Variants in UNC93A observed in about 807,000 individuals in gnomAD.
UNC93A encodes unc-93 homolog A.
Under a neutral mutation model 47.5 loss-of-function variants are expected in UNC93A, and 43 were observed. That is an observed-to-expected ratio of 0.91 (90% CI 0.71 to 1.17). The LOEUF (loss-of-function observed/expected upper bound fraction) is 1.17. Ranked by LOEUF, UNC93A falls within the 50% of genes most tolerant of loss-of-function variation. The probability of loss-of-function intolerance (pLI) is 0.00; values close to 1 mark genes in which losing one functional copy is unlikely to be tolerated. For synonymous variants in UNC93A, 280 were observed against 258.0 expected (o/e 1.09, Z -0.82); for missense variants, 605 against 577.6 (o/e 1.05, Z -0.49).
intron 4 of UNC93A, among the ~76,000 whole-genome samples, chr6:167,298,942 C>T (rs895190645): frequency 6.6e-6 from 1 of 151,636 alleles, no homozygotes; most frequent in African/African-American, 2.4e-5. Context: ...GGTGAAACCC[C>T]ATTTGCACTA....
At chr6:167,299,357 G>A (rs141069103) in intron 4 of UNC93A, among the ~76,000 whole-genome samples, 11 of 152,042 alleles carry the variant, frequency 7.2e-5, no homozygotes, top group African/African-American at 2.2e-4. Context: ...AGGAGGGTTC[G>A]TGGGCACTGC....
At chr6:167,277,892 G>A (rs954644475) in intron 1 of UNC93A, among the ~76,000 whole-genome samples, 1 of 151,894 alleles carries the variant, frequency 6.6e-6, no homozygotes, top group Non-Finnish European at 1.5e-5. Context: ...GGTCCCAGCT[G>A]GCAGCTGACT....
At position 167,315,697 on chromosome 6, in the gene UNC93A, GA is replaced by G; in HGVS notation, c.*250del. 1 of 442,522 alleles carries G rather than the reference GA, an allele frequency of 2.3e-6. No individual in the cohort carries two copies. Among genetic ancestry groups the G allele is most frequent in the South Asian group, 3.1e-5 (1 of 32,398 alleles). The allele number at this position is 442,522 out of a possible 1,614,324, so 27.4% of individuals were successfully genotyped here. ...AGTTCATTTAATTTTAGATGCAAAA[GA>G]AAAAGGTCTAACGTACAATCAGCCA... On this transcript the variant is annotated 3_prime_UTR_variant, in exon 8 of 8. Transcript: ENST00000230256.
intron 1 of UNC93A, among the ~76,000 whole-genome samples, chr6:167,276,498 A>C (rs1783545394): frequency 1.3e-5 from 2 of 152,110 alleles, no homozygotes; most frequent in South Asian, 4.1e-4. Context: ...ACCTTGTACA[A>C]TAGTATTATT....
intron 2 of UNC93A, among the ~76,000 whole-genome samples, chr6:167,295,493 CCCTCGTGATCCTCGCCTG>C (rs1778044645): frequency 4.4e-5 from 4 of 91,356 alleles, no homozygotes; most frequent in East Asian, 8.3e-4. Context: ...AACCTCGCCT[CCCTCGTGATCCTCGCCTG>C]CCTCGTGCTC....
chr6:167,296,743 G>A (rs886922646), intron 3 of UNC93A, among the ~76,000 whole-genome samples: 4 of 152,160 alleles, frequency 2.6e-5, no homozygotes, highest in Admixed American at 6.5e-5. Context: ...GTCTCTACCC[G>A]ACCTTGCCCT....
chr6:167,295,714 G>A (rs900103645), intron 2 of UNC93A, among the ~76,000 whole-genome samples: 2 of 133,898 alleles, frequency 1.5e-5, no homozygotes, highest in Non-Finnish European at 3.1e-5. Context: ...CGCCTCCCTC[G>A]TGCTCCTCGC....
intron 6 of UNC93A, among the ~76,000 whole-genome samples, chr6:167,307,472 T>C (rs564402718): frequency 1.3e-4 from 20 of 151,736 alleles, no homozygotes; most frequent in Admixed American, 3.9e-4. Flanking sequence ...CAGAGGACGG[T>C]TGAGATGGTT....
At chr6:167,282,540 T>C (rs1473220967) in intron 1 of UNC93A, among the ~76,000 whole-genome samples, 6 of 152,192 alleles carry the variant, frequency 3.9e-5, no homozygotes, top group African/African-American at 1.4e-4. Context: ...GTTGACAAGT[T>C]CATTGTCAGT....
chr6:167,290,362 GC>G (rs1783819350), upstream of UNC93A, among the ~76,000 whole-genome samples: 1 of 152,096 alleles, frequency 6.6e-6, no homozygotes, highest in Non-Finnish European at 1.5e-5. Context: ...TGATGGTCTG[GC>G]AAGCTTCCCT....
At chr6:167,289,800 TAA>T (rs904733665), upstream of UNC93A, among the ~76,000 whole-genome samples, 1 of 151,780 alleles carries the variant, frequency 6.6e-6, no homozygotes, top group Admixed American at 6.6e-5. Context: ...TGAAGTAAAC[TAA>T]AGTGTTGCCA....
chr6:167,283,146 T>C (rs1562342636), intron 1 of UNC93A, among the ~76,000 whole-genome samples: 1 of 152,158 alleles, frequency 6.6e-6, no homozygotes, highest in South Asian at 2.1e-4. Context: ...CTTTAGAAAA[T>C]GTAAATTTTC....
At chr6:167,309,821 C>G (rs899576334) in intron 7 of UNC93A, among the ~76,000 whole-genome samples, 8 of 152,166 alleles carry the variant, frequency 5.3e-5, no homozygotes, top group African/African-American at 1.9e-4. Flanking sequence ...GTTTCACAGT[C>G]CTTTCTGCTG....
chr6:167,304,488 T>TA (rs1778327095), intron 5 of UNC93A, among the ~76,000 whole-genome samples: 1 of 152,190 alleles, frequency 6.6e-6, no homozygotes, highest in Admixed American at 6.5e-5. Context: ...CCTGCACTCT[T>TA]ACTTTAGAGT....
upstream of UNC93A, among the ~76,000 whole-genome samples, chr6:167,290,406 C>T (rs896353458): frequency 6.6e-6 from 1 of 152,122 alleles, no homozygotes; most frequent in Admixed American, 6.5e-5. Flanking sequence ...GACTTACCTG[C>T]GAGATTTGCC....
chr6:167,292,709 A>T (rs1562347819), intron 1 of UNC93A, among the ~76,000 whole-genome samples: 1 of 152,200 alleles, frequency 6.6e-6, no homozygotes, highest in Non-Finnish European at 1.5e-5. Context: ...TTGTTGTCAC[A>T]GAATGCTGGT....
At position 167,307,889 on chromosome 6, in the gene UNC93A, G is replaced by T. The variant is rs1245525510; in HGVS notation, c.1087G>T (p.Val363Phe). 5 of 1,613,734 alleles carry T rather than the reference G, an allele frequency of 3.1e-6. No individual in the cohort carries two copies. Among genetic ancestry groups the T allele is most frequent in the African/African-American group, 1.3e-5 (1 of 74,910 alleles). The change falls in exon 7 of 8, where the codon GTC becomes TTC. Residue 363 changes from valine to phenylalanine, a missense_variant. By Grantham distance (50) the Val-to-Phe change is conservative. Transcript: ENST00000230256. ...TGGCCTGTGGGGCGTGGCAGATGCC[G>T]TCTGGCAGACACAAAACAATGGTGA... The part of the protein sequence containing the change: ...FSGLWGVADA[V>F]WQTQNNALYG...
At position 167,315,120 on chromosome 6, in the gene UNC93A, C is replaced by T. The variant is rs1237333698; in HGVS notation, c.1109-67C>T. 3.8e-6 allele frequency: 6 copies of T among 1,580,790 alleles called. No homozygotes were observed. The African/African-American group carries it at 8.2e-5, about 22-fold the overall frequency. On this transcript the variant is annotated intron_variant, in intron 7 of 7. Transcript: ENST00000230256. ...AAAATGGGGCAGTGGGAAAGCTGTG[C>T]TCTTTTCACAAACAGGGTCACTGTG...
At chr6:167,303,817 C>T in intron 4 of UNC93A, 102 bp from the exon 5 acceptor site, 1 of 1,109,064 alleles carries the variant, frequency 9.0e-7, no homozygotes. Context: ...TCTGAATTAG[C>T]CCTCCCTCGC....
Sources: gnomAD v4.1 joint callset for allele counts (sites outside exome capture counted in the v4.1 genomes callset) on GRCh38, gnomAD v4.1.1 for gene constraint, MANE v1.5 for transcripts, NCBI Gene and HGNC (gene_info 2026-07-23, HGNC 2026-07-21) for gene names.